Variants in BIN1 observed in about 807,000 individuals in gnomAD.
BIN1 encodes the protein bridging integrator 1, also known as myc box-dependent-interacting protein 1.
BIN1 carries 53 observed loss-of-function variants against 82.0 expected under a neutral mutation model. That is an observed-to-expected ratio of 0.65 (90% CI 0.52 to 0.81). The LOEUF is 0.81. BIN1 is among the 40% of genes least tolerant of loss of function. BIN1 has a pLI of 0.00. For synonymous variants in BIN1, 302 were observed against 328.0 expected (o/e 0.92, Z 0.86); for missense variants, 642 against 784.4 (o/e 0.82, Z 2.17).
chr2:127,086,354 CT>C (rs1313844687), intron 1 of BIN1, among the ~76,000 whole-genome samples: 7 of 152,160 alleles, frequency 4.6e-5, no homozygotes, highest in Admixed American at 1.3e-4. Context: ...AAAGATCGAA[CT>C]GGTAAAGAAA....
chr2:127,048,653 G>T lies in BIN1; in HGVS notation c.1675-20C>A, dbSNP rs765460751. The stretch of plus-strand genomic sequence containing the variant: ...TTCATCCTGAGGGGCAGAGCACCAG[G>T]TCGCACAGGGATGAGCAAGGGGCTC... On this transcript the variant is annotated intron_variant, in intron 18 of 18. Coordinates refer to ENST00000316724, the MANE Select transcript of BIN1 (RefSeq NM_139343.3). 6.2e-7 allele frequency: 1 copy of T among 1,610,402 alleles called. No individual in the cohort carries two copies. Among genetic ancestry groups the T allele is most frequent in the Non-Finnish European group, 8.5e-7 (1 of 1,178,428 alleles).
intron 2 of BIN1, among the ~76,000 whole-genome samples, chr2:127,071,963 G>A (rs1685947623): frequency 6.6e-6 from 1 of 152,222 alleles, no homozygotes; most frequent in African/African-American, 2.4e-5. Flanking sequence ...GGACTCGGGA[G>A]AGCGGCAGTG....
In BIN1 at chr2:127,063,607, C is replaced by T. The variant is rs751182086; in HGVS notation, c.738G>A (p.Ala246=). The T allele has an allele frequency of 4.5e-5, 73 of 1,613,852 alleles. No individual in the cohort carries two copies. In the South Asian group the frequency reaches 6.4e-4, roughly 14 times the overall value. The change falls in exon 9 of 19, where the codon GCG becomes GCA. Residue 246 remains alanine, a synonymous_variant. Transcript: ENST00000316724. ...CCTTGTGGAAGTTTTCCTCCAGGCC[C>T]GCGATGCTCTGGAACGTGTTGACGT... ...GFYVNTFQSI[A]GLEENFHKEM... is the part of the protein sequence containing the mutation.
At position 127,083,071 on chromosome 2, in the gene BIN1, CTTTTTTCTTTTTTT is replaced by C. The variant is rs1306264638; in HGVS notation, c.85-6379_85-6366del. Reference sequence around the variant, plus strand: ...GTTACCACTTGGCCACACTCATTTGCTTTTTTCTTTTTTTTTTTTTCTTTTTTTTTGCTTTTCTC... The same window carrying C: ...GTTACCACTTGGCCACACTCATTTGCTTTTTTCTTTTTTTTTGCTTTTCTC... On this transcript the variant is annotated intron_variant, in intron 1 of 18. Transcript: ENST00000316724. Among the ~76,000 whole-genome samples the C allele has an allele frequency of 1.4e-4, 20 of 144,414 alleles. No homozygotes were observed. In the South Asian group the frequency reaches 2.8e-3, roughly 20 times the overall value. 94.7% of individuals were successfully genotyped at this position (144,414 alleles called of 152,430 possible).
chr2:127,081,997 G>T, intron 1 of BIN1: 1 of 663,312 alleles, frequency 1.5e-6, no homozygotes, highest in Non-Finnish European at 1.9e-6. Flanking sequence ...CAGGCAGGCA[G>T]ACACAGACAG....
chr2:127,077,361 G>A (rs1686749793), intron 1 of BIN1, among the ~76,000 whole-genome samples: 1 of 152,102 alleles, frequency 6.6e-6, no homozygotes, highest in East Asian at 1.9e-4. Flanking sequence ...GCACACACAT[G>A]AGCTCACAGC....
chr2:127,097,273 T>C (rs141347089), intron 1 of BIN1, among the ~76,000 whole-genome samples: 1 of 151,310 alleles, frequency 6.6e-6, no homozygotes, highest in Non-Finnish European at 1.5e-5. Flanking sequence ...AGCCGCCAGC[T>C]CTCCAGGCCC....
Position 127,106,944 on chromosome 2 carries a change from C to T in BIN1, c.-1G>A, listed in dbSNP as rs1194468948. ...CCCCTTTACTGCCCATCTCTGCCAT[C>T]GCGGCGCAGGCCTCGCCCGGTGGCA... On this transcript the variant is annotated 5_prime_UTR_variant, in exon 1 of 19. Transcript: ENST00000316724. 1.2e-6 allele frequency: 2 copies of T among 1,611,026 alleles called. No homozygotes were observed. Among genetic ancestry groups the T allele is most frequent in the South Asian group, 1.1e-5 (1 of 90,744 alleles).
rs1200249068 is a variant in BIN1 at position 127,057,647 on chromosome 2, G to A, written c.1003-46C>T. 1.4e-6 allele frequency: 2 copies of A among 1,476,850 alleles called. No homozygotes were observed. Among genetic ancestry groups the A allele is most frequent in the Middle Eastern group, 2.4e-4 (1 of 4,114 alleles). 91.5% of individuals were successfully genotyped at this position (1,476,850 alleles called of 1,614,324 possible). On this transcript the variant is annotated intron_variant, in intron 11 of 18. Coordinates refer to ENST00000316724, the MANE Select transcript of BIN1 (RefSeq NM_139343.3). The surrounding 1 kb of genome is among the most constrained non-coding windows in gnomAD (Gnocchi z 5.0). The stretch of plus-strand genomic sequence containing the variant: ...AGGGGCCGCGCGGGAAGGCACAGCA[G>A]AGCACGGGGTTTGGGGGAGACAGAC...
intron 1 of BIN1, among the ~76,000 whole-genome samples, chr2:127,095,842 A>G (rs1679530353): frequency 6.6e-6 from 1 of 152,196 alleles, no homozygotes; most frequent in African/African-American, 2.4e-5. Context: ...ACATAATGCA[A>G]CAGAGGTGCA....
intron 1 of BIN1, among the ~76,000 whole-genome samples, chr2:127,105,341 G>A (rs1680902292): frequency 6.6e-6 from 1 of 152,130 alleles, no homozygotes; most frequent in East Asian, 1.9e-4. Context: ...GCCTGCTCCA[G>A]GCACACAGAT....
intron 11 of BIN1, among the ~76,000 whole-genome samples, chr2:127,058,323 C>T (rs759779037): frequency 9.2e-5 from 14 of 152,270 alleles, no homozygotes; most frequent in Non-Finnish European, 1.3e-4. Flanking sequence ...GGGACAGGCT[C>T]CCACCATGTC....
intron 1 of BIN1, among the ~76,000 whole-genome samples, chr2:127,097,593 C>T (rs1185337190): frequency 6.6e-6 from 1 of 152,230 alleles, no homozygotes; most frequent in African/African-American, 2.4e-5. Context: ...CCAAGCCCTG[C>T]CCCAGACCCT....
At chr2:127,097,453 G>A (rs1679753850) in intron 1 of BIN1, among the ~76,000 whole-genome samples, 1 of 152,032 alleles carries the variant, frequency 6.6e-6, no homozygotes, top group African/African-American at 2.4e-5. Context: ...GTCACCCTGG[G>A]CTGTGCAGCA....
intron 7 of BIN1, among the ~76,000 whole-genome samples, chr2:127,065,604 C>A (rs113052212): frequency 2.0e-5 from 3 of 152,164 alleles, no homozygotes; most frequent in African/African-American, 7.2e-5. Flanking sequence ...TCCGTAAGAA[C>A]CTGCCTGGAC....
rs1039877281 is a variant in BIN1 at position 127,068,964 on chromosome 2, A to C, written c.479T>G (p.Leu160Arg). The C allele has an allele frequency of 1.2e-6, 2 of 1,614,070 alleles. No individual in the cohort carries two copies. The highest frequency in any genetic ancestry group is 2.7e-5 in the African/African-American group (2 of 74,946). ...YDSARHHYESLQTAKKKDEAK... is the reference protein window; with the variant it reads ...YDSARHHYESRQTAKKKDEAK... ...TTCATCCTTCTTTTTGGCAGTTTGA[A>C]GGGACTCGTAGTGGTGCCGGGCACT... Residue 160 changes from leucine to arginine, a missense_variant, in exon 6 of 19, where the codon CTT becomes CGT. Coordinates refer to ENST00000316724, the MANE Select transcript of BIN1 (RefSeq NM_139343.3). The surrounding 1 kb of genome is among the most constrained non-coding windows in gnomAD (Gnocchi z 4.9).
At chr2:127,075,523 C>T (rs1686466953) in intron 2 of BIN1, among the ~76,000 whole-genome samples, 1 of 152,228 alleles carries the variant, frequency 6.6e-6, no homozygotes, top group African/African-American at 2.4e-5. Flanking sequence ...GGCCTTGAAA[C>T]TCCTCCCATA....
intron 14 of BIN1, chr2:127,053,209 T>G: frequency 1.5e-6 from 1 of 682,672 alleles, no homozygotes; most frequent in Non-Finnish European, 2.6e-6. Context: ...AAGATCCCCT[T>G]TTCCAAGGGC....
chr2:127,094,887 G>A (rs2105302452), intron 1 of BIN1, among the ~76,000 whole-genome samples: 1 of 152,298 alleles, frequency 6.6e-6, no homozygotes, highest in Non-Finnish European at 1.5e-5. Context: ...ATGCCCTCAG[G>A]AAAGGACCCC....
Sources: allele counts gnomAD v4.1 joint callset (sites outside exome capture counted in the v4.1 genomes callset), GRCh38; gene constraint gnomAD v4.1.1; non-coding constraint Gnocchi (gnomAD v3.1); transcripts MANE v1.5; gene names NCBI Gene and HGNC (gene_info 2026-07-23, HGNC 2026-07-21).